The following PPFIA2 variants were observed in gnomAD, a reference collection of about 807,000 sequenced individuals.
The protein encoded by PPFIA2 is PPFI scaffold protein A2.
In PPFIA2, 46 loss-of-function variants were observed where a neutral mutation model predicts 175.5. The ratio of observed to expected loss-of-function variants is 0.26; its 90% CI spans 0.21 to 0.34. The LOEUF (loss-of-function observed/expected upper bound fraction) is 0.34, where lower values mean the gene tolerates loss of function less well. Ranked by LOEUF, PPFIA2 falls within the 10% of genes least tolerant of loss-of-function variation. The pLI is 1.00. For synonymous variants in PPFIA2, 568 were observed against 511.4 expected, an observed-to-expected ratio of 1.11 and a Z score of -1.49; for missense variants, 1,179 against 1,506.1, an observed-to-expected ratio of 0.78 and a Z score of 3.60.
chr12:81,363,172 T>C (rs1263610730), intron 14 of PPFIA2, among the ~76,000 whole-genome samples: 2 of 151,442 alleles, frequency 1.3e-5, no homozygotes, highest in Non-Finnish European at 3.0e-5. Context: ...TTAAAGGACA[T>C]ATGGGTGAAG....
At chr12:81,701,275 G>GT (rs2153601109) in intron 3 of PPFIA2, among the ~76,000 whole-genome samples, 1 of 152,300 alleles carries the variant, frequency 6.6e-6, no homozygotes, top group South Asian at 2.1e-4. Flanking sequence ...TGTAGCTGCT[G>GT]TAACTGCTGC....
chr12:81,285,452 C>T (rs1454064278), intron 24 of PPFIA2, among the ~76,000 whole-genome samples: 1 of 151,958 alleles, frequency 6.6e-6, no homozygotes, highest in Non-Finnish European at 1.5e-5. Flanking sequence ...ACAAATGTAA[C>T]TACATATAAA....
intron 7 of PPFIA2, 96 bp downstream of exon 7, chr12:81,439,876 T>A: frequency 9.8e-7 from 1 of 1,019,468 alleles, no homozygotes; most frequent in South Asian, 1.5e-5. Flanking sequence ...ATGTAATTTA[T>A]TTTTTGTGAC....
At chr12:81,306,839 G>A (rs1287972525) in intron 22 of PPFIA2, among the ~76,000 whole-genome samples, 1 of 152,048 alleles carries the variant, frequency 6.6e-6, no homozygotes, top group African/African-American at 2.4e-5. Flanking sequence ...ACTGTGCCTG[G>A]CCAGGTTTTA....
At chr12:81,581,144 G>A (rs2074340762) in intron 4 of PPFIA2, among the ~76,000 whole-genome samples, 1 of 108,876 alleles carries the variant, frequency 9.2e-6, no homozygotes, top group Non-Finnish European at 1.9e-5. Context: ...AGATGTCATA[G>A]ACACTTTTTT....
At chr12:81,701,622 T>G (rs547113354) in intron 3 of PPFIA2, among the ~76,000 whole-genome samples, 1 of 152,202 alleles carries the variant, frequency 6.6e-6, no homozygotes, top group South Asian at 2.1e-4. Flanking sequence ...AAATTATAAC[T>G]GACTAAATGG....
At chr12:81,525,825 C>T (rs975605995) in intron 4 of PPFIA2, among the ~76,000 whole-genome samples, 33 of 152,084 alleles carry the variant, frequency 2.2e-4, no homozygotes, top group Admixed American at 1.9e-3. Context: ...AGTGAGATTC[C>T]AAATTCCACA....
intron 4 of PPFIA2, among the ~76,000 whole-genome samples, chr12:81,532,662 A>G (rs1050583458): frequency 4.6e-5 from 7 of 151,740 alleles, no homozygotes; most frequent in Admixed American, 1.3e-4. Flanking sequence ...CACATGCATA[A>G]CTGTTTCTGA....
At chr12:81,284,753 G>A (rs1269203753) in intron 24 of PPFIA2, among the ~76,000 whole-genome samples, 5 of 151,836 alleles carry the variant, frequency 3.3e-5, no homozygotes, top group South Asian at 2.1e-4. Flanking sequence ...TTTGATTCTC[G>A]ATATCCTTTG....
chr12:81,561,205 A>G (rs2069996586), intron 4 of PPFIA2, among the ~76,000 whole-genome samples: 1 of 152,182 alleles, frequency 6.6e-6, no homozygotes, highest in Non-Finnish European at 1.5e-5. Context: ...ATGAGATGGC[A>G]AAGAGCAAAC....
chr12:81,265,483 C>T (rs1419429855), intron 30 of PPFIA2, among the ~76,000 whole-genome samples: 1 of 151,980 alleles, frequency 6.6e-6, no homozygotes, highest in Non-Finnish European at 1.5e-5. Flanking sequence ...TCTGTATAAG[C>T]TTGTTGACAC....
chr12:81,614,870 T>C (rs999940581), intron 4 of PPFIA2, among the ~76,000 whole-genome samples: 1 of 152,152 alleles, frequency 6.6e-6, no homozygotes, highest in Admixed American at 6.5e-5. Flanking sequence ...CAATTATGCA[T>C]AAGGAGTCTT....
chr12:81,421,424 G>A (rs1444653246), intron 7 of PPFIA2, among the ~76,000 whole-genome samples: 1 of 151,936 alleles, frequency 6.6e-6, no homozygotes, highest in Non-Finnish European at 1.5e-5. Flanking sequence ...AAAGTGTGGA[G>A]GTTTTGTATT....
At chr12:81,698,349 T>G (rs2076117422) in intron 3 of PPFIA2, among the ~76,000 whole-genome samples, 1 of 152,010 alleles carries the variant, frequency 6.6e-6, no homozygotes, top group Non-Finnish European at 1.5e-5. Flanking sequence ...TAAAAGTGAG[T>G]TTAGCCCCCT....
intron 9 of PPFIA2, 38 bp from the exon 10 acceptor site, chr12:81,375,980 C>A (rs759260243): frequency 6.4e-7 from 1 of 1,552,044 alleles, no homozygotes; most frequent in South Asian, 1.2e-5. Context: ...AAATCAGATT[C>A]TCAGATTGTT....
At chr12:81,655,516 A>G (rs1379512726) in intron 4 of PPFIA2, among the ~76,000 whole-genome samples, 1 of 151,968 alleles carries the variant, frequency 6.6e-6, no homozygotes, top group Non-Finnish European at 1.5e-5. Flanking sequence ...AATCAAAAAA[A>G]TTCTTATTTG....
intron 7 of PPFIA2, among the ~76,000 whole-genome samples, chr12:81,423,740 G>C (rs191316387): frequency 5.1e-4 from 77 of 152,170 alleles, no homozygotes; most frequent in Non-Finnish European, 1.5e-4. Flanking sequence ...TGAAGTCCTA[G>C]CCATAGCAAT....
chr12:81,437,862 CCTT>C (rs1323556700), intron 7 of PPFIA2, among the ~76,000 whole-genome samples: 25 of 151,996 alleles, frequency 1.6e-4, no homozygotes, highest in African/African-American at 5.5e-4. Flanking sequence ...ACTGTGTACT[CCTT>C]CTCATTACCT....
At chr12:81,404,947 T>C (rs750516984) in intron 8 of PPFIA2, among the ~76,000 whole-genome samples, 2 of 152,198 alleles carry the variant, frequency 1.3e-5, no homozygotes, top group Non-Finnish European at 2.9e-5. Flanking sequence ...TGGTCTTCAT[T>C]TAGGAGCTTA....
Sources: gnomAD v4.1 joint callset for allele counts (sites outside exome capture counted in the v4.1 genomes callset) on GRCh38, gnomAD v4.1.1 for gene constraint, MANE v1.5 for transcripts, NCBI Gene and HGNC (gene_info 2026-07-23, HGNC 2026-07-21) for gene names.